Variants in KCNH1 observed in about 807,000 individuals in gnomAD.
KCNH1 encodes potassium voltage-gated channel subfamily H member 1.
KCNH1 carries 27 observed loss-of-function variants against 69.2 expected under a neutral mutation model. That is an observed-to-expected ratio of 0.39 (90% CI 0.29 to 0.54). KCNH1 has a LOEUF of 0.54. Among genes scored for constraint, KCNH1 ranks in the 20% least tolerant of loss-of-function variants. KCNH1 has a pLI of 0.68. For synonymous variants in KCNH1, 456 were observed against 487.7 expected (o/e 0.93, Z 0.86); for missense variants, 798 against 1,261.6 (o/e 0.63, Z 5.57).
At chr1:210,808,784 T>C (rs1378286263) in intron 7 of KCNH1, among the ~76,000 whole-genome samples, 1 of 152,154 alleles carries the variant, frequency 6.6e-6, no homozygotes, top group Non-Finnish European at 1.5e-5. Context: ...CATTACACCT[T>C]AAATACTAAA....
At chr1:210,827,946 G>A in intron 7 of KCNH1, among the ~76,000 whole-genome samples, 1 of 152,042 alleles carries the variant, frequency 6.6e-6, no homozygotes, top group East Asian at 1.9e-4. Context: ...TAAGGTTGGT[G>A]GAGTCATTCT....
At chr1:210,849,701 G>C (rs1038001898) in intron 7 of KCNH1, among the ~76,000 whole-genome samples, 1 of 152,000 alleles carries the variant, frequency 6.6e-6, no homozygotes, top group African/African-American at 2.4e-5. Flanking sequence ...AATTCAAATA[G>C]AAGTTCAATA....
chr1:211,041,442 A>G (rs575193950), intron 5 of KCNH1, among the ~76,000 whole-genome samples: 2 of 152,068 alleles, frequency 1.3e-5, no homozygotes, highest in South Asian at 4.2e-4. Context: ...AATAAATATA[A>G]CTCAGGAGCC....
At chr1:210,857,224 T>C (rs1216102500) in intron 7 of KCNH1, among the ~76,000 whole-genome samples, 6 of 152,250 alleles carry the variant, frequency 3.9e-5, no homozygotes, top group African/African-American at 7.2e-5. Context: ...CTTTATATAA[T>C]GAAGACTTTA....
At chr1:211,073,300 A>C (rs1442641645) in intron 5 of KCNH1, among the ~76,000 whole-genome samples, 1 of 152,220 alleles carries the variant, frequency 6.6e-6, no homozygotes, top group Admixed American at 6.5e-5. Context: ...CCTCTCTATC[A>C]GATATGGACA....
At position 211,091,943 on chromosome 1, in the gene KCNH1, C is replaced by T. The variant is rs541112010; in HGVS notation, c.311-1253G>A. ...AAATTAAATGAGACACAAAGCAATC[C>T]AATGTTCTTTTCTTCCTAGTTCTTA... On this transcript the variant is annotated intron_variant, in intron 3 of 10. Coordinates refer to ENST00000271751, the MANE Select transcript of KCNH1 (RefSeq NM_172362.3). Among the ~76,000 whole-genome samples, 4 of 152,276 alleles carry T rather than the reference C, an allele frequency of 2.6e-5. 1 individual carries two copies. The highest frequency in any genetic ancestry group is 3.9e-4 in the East Asian group (2 of 5,194).
chr1:211,049,822 C>T lies in KCNH1; in HGVS notation c.559-30566G>A, dbSNP rs57496750. 8.6e-3 allele frequency among the ~76,000 whole-genome samples: 1,307 copies of T among 152,260 alleles called. 18 individuals carry two copies. The highest frequency in any genetic ancestry group is 0.029 in the African/African-American group (1,216 of 41,544). On this transcript the variant is annotated intron_variant, in intron 5 of 10. Coordinates refer to ENST00000271751, the MANE Select transcript of KCNH1 (RefSeq NM_172362.3). ...AGAGCTTGAAGACCTGGCCAATCCACTATGGCCAGAATGGGCCCTAACAAG... is the reference window on the plus strand; with the variant it reads ...AGAGCTTGAAGACCTGGCCAATCCATTATGGCCAGAATGGGCCCTAACAAG...
intron 7 of KCNH1, among the ~76,000 whole-genome samples, chr1:210,813,228 C>T (rs1297562481): frequency 6.6e-6 from 1 of 152,200 alleles, no homozygotes; most frequent in Non-Finnish European, 1.5e-5. Context: ...TAAAAGACTG[C>T]TGCCTTTTAA....
chr1:210,917,301 CAG>C (rs371088743), intron 7 of KCNH1, among the ~76,000 whole-genome samples: 12 of 143,724 alleles, frequency 8.3e-5, no homozygotes, highest in Admixed American at 1.4e-4. Context: ...AAGAGAAACA[CAG>C]AGAGAGAGAG....
chr1:210,974,214 T>C (rs1478657719), intron 6 of KCNH1, among the ~76,000 whole-genome samples: 11 of 152,174 alleles, frequency 7.2e-5, no homozygotes, highest in Non-Finnish European at 1.6e-4. Context: ...TTCTAGTGAG[T>C]TGAGCATTTT....
At chr1:210,808,261 C>T (rs1450876376) in intron 7 of KCNH1, among the ~76,000 whole-genome samples, 1 of 152,136 alleles carries the variant, frequency 6.6e-6, no homozygotes, top group African/African-American at 2.4e-5. Context: ...TAGGATGGAT[C>T]CCAGAAAATT....
intron 10 of KCNH1, among the ~76,000 whole-genome samples, chr1:210,723,940 C>G (rs1437049449): frequency 6.6e-6 from 1 of 152,158 alleles, no homozygotes; most frequent in Non-Finnish European, 1.5e-5. Flanking sequence ...ATGGCCTTCA[C>G]TGAGGTATCT....
chr1:210,912,846 GA>G (rs1171187348), intron 7 of KCNH1, among the ~76,000 whole-genome samples: 1 of 152,214 alleles, frequency 6.6e-6, no homozygotes, highest in Non-Finnish European at 1.5e-5. Flanking sequence ...AAAGAGAAGA[GA>G]AAGAGCAAGA....
At chr1:210,951,355 T>C (rs1233529004) in intron 6 of KCNH1, among the ~76,000 whole-genome samples, 1 of 151,990 alleles carries the variant, frequency 6.6e-6, no homozygotes, top group East Asian at 1.9e-4. Flanking sequence ...AGAGGGAAAA[T>C]GAGATGGAAA....
chr1:210,789,497 A>G (rs1684173276), intron 9 of KCNH1, among the ~76,000 whole-genome samples: 1 of 152,264 alleles, frequency 6.6e-6, no homozygotes, highest in Non-Finnish European at 1.5e-5. Flanking sequence ...AATAACAAAA[A>G]TAATGCTGTC....
intron 4 of KCNH1, among the ~76,000 whole-genome samples, chr1:211,084,729 C>T (rs1347404281): frequency 6.6e-6 from 1 of 152,186 alleles, no homozygotes; most frequent in African/African-American, 2.4e-5. Context: ...AATAAGTTTT[C>T]GCCCAAGTTC....
chr1:210,975,724 G>A (rs1036135587), intron 6 of KCNH1, among the ~76,000 whole-genome samples: 3 of 152,138 alleles, frequency 2.0e-5, no homozygotes, highest in Non-Finnish European at 4.4e-5. Context: ...CAAAAGCAAT[G>A]GCAACAAAAG....
intron 7 of KCNH1, among the ~76,000 whole-genome samples, chr1:210,828,561 T>G (rs2102436004): frequency 6.6e-6 from 1 of 152,228 alleles, no homozygotes; most frequent in South Asian, 2.1e-4. Flanking sequence ...TTTCCTCTTT[T>G]GCTAAATCCT....
chr1:211,063,862 T>C (rs185795786), intron 5 of KCNH1: 3 of 152,276 alleles, frequency 2.0e-5, no homozygotes, highest in Admixed American at 6.5e-5. Flanking sequence ...AAAGAAATGA[T>C]AAACGCTTGA....
Sources: allele counts gnomAD v4.1 joint callset (sites outside exome capture counted in the v4.1 genomes callset), GRCh38; gene constraint gnomAD v4.1.1; transcripts MANE v1.5; gene names NCBI Gene and HGNC (gene_info 2026-07-23, HGNC 2026-07-21).